Variants in GAB4 observed in about 807,000 individuals in gnomAD.
GAB4 encodes the protein GRB2 associated binding protein family member 4.
GAB4 carries 26 observed loss-of-function variants against 51.3 expected under a neutral mutation model. That is an observed-to-expected ratio of 0.51 (90% CI 0.37 to 0.70). The LOEUF (loss-of-function observed/expected upper bound fraction) is 0.70, where lower values mean the gene tolerates loss of function less well. Among genes scored for constraint, GAB4 ranks in the 30% least tolerant of loss-of-function variants. GAB4 has a pLI of 0.00. For missense variants in GAB4, 759 were observed against 734.6 expected (o/e 1.03, Z -0.38); for synonymous variants, 329 against 291.2 (o/e 1.13, Z -1.32).
At chr22:16,994,481 T>C (rs1309235590) in intron 1 of GAB4, among the ~76,000 whole-genome samples, 2 of 152,230 alleles carry the variant, frequency 1.3e-5, no homozygotes, top group African/African-American at 4.8e-5. Flanking sequence ...GTTATGTATA[T>C]ACATGTAGTG....
In GAB4 at chr22:16,986,816, C is replaced by T. The variant is rs373887373; in HGVS notation, c.686+1144G>A. ...GGCGGAACTGCTGAAAGTTCACAAA[C>T]GAAGGAATCGCATTGCTTCAGGAAA... is the stretch of plus-strand genomic sequence containing the variant. On this transcript the variant is annotated intron_variant, in intron 3 of 9. Coordinates refer to ENST00000400588, the MANE Select transcript of GAB4 (RefSeq NM_001037814.1). 3.9e-5 allele frequency among the ~76,000 whole-genome samples: 6 copies of T among 152,170 alleles called. No individual in the cohort carries two copies. In the South Asian group the frequency reaches 8.3e-4, roughly 21 times the overall value.
chr22:16,966,967 TAA>T (rs1388431569), intron 5 of GAB4: 1 of 153,664 alleles, frequency 6.5e-6, no homozygotes, highest in Non-Finnish European at 1.4e-5. Context: ...CATACAATTA[TAA>T]GAGTTCACTA....
At chr22:16,991,651 G>A (rs530920382) in intron 2 of GAB4, among the ~76,000 whole-genome samples, 2 of 152,324 alleles carry the variant, frequency 1.3e-5, no homozygotes, top group East Asian at 3.9e-4. Flanking sequence ...GTGGCTGAGA[G>A]GTGACAGGGC....
At chr22:16,964,196 C>G (rs963210586) in intron 8 of GAB4, among the ~76,000 whole-genome samples, 1 of 152,130 alleles carries the variant, frequency 6.6e-6, no homozygotes, top group African/African-American at 2.4e-5. Context: ...CGCAGGGTCC[C>G]GCAGCCTCCT....
chr22:16,999,454 GTAGTTTGTAT>G (rs1360552816), intron 1 of GAB4, among the ~76,000 whole-genome samples: 15 of 152,172 alleles, frequency 9.9e-5, no homozygotes, highest in Admixed American at 7.2e-4. Context: ...TTCTCTGGTG[GTAGTTTGTAT>G]TTCTGTGGGA....
Position 17,007,944 on chromosome 22 carries a change from G to C in GAB4, c.171C>G (p.Leu57=), listed in dbSNP as rs201917940. 2.1e-5 allele frequency: 34 copies of C among 1,596,740 alleles called. No individual in the cohort carries two copies. The highest frequency in any genetic ancestry group is 3.4e-5 in the Admixed American group (2 of 59,202). Residue 57 remains leucine (L), a synonymous_variant, in exon 1 of 10, where the codon CTC becomes CTG. Transcript: ENST00000400588. ...CCGCCCCCACTGCCCCACTCACAAA[G>C]AGCCTCAGCTTCTTCTCGGGGGGCG... is the stretch of plus-strand genomic sequence containing the variant. ...RKSPPEKKLR[L]FAWRKRWFIL...
In GAB4 at chr22:16,970,052, G is replaced by A; in HGVS notation, c.828C>T (p.Pro276=). Residue 276 remains proline, a synonymous_variant, in exon 4 of 10, where the codon CCC becomes CCT. Coordinates refer to ENST00000400588, the MANE Select transcript of GAB4 (RefSeq NM_001037814.1). ...HIHGFHSLSK[P]SQHNAEFRGS... is the part of the protein sequence containing the mutation. ...CTCTGAATTCTGCATTGTGCTGGCT[G>A]GGCTTGGAAAGGCTATGGAAGCCAT... 1 of 1,614,200 alleles carries A rather than the reference G, an allele frequency of 6.2e-7. No individual in the cohort carries two copies. Among genetic ancestry groups the A allele is most frequent in the Non-Finnish European group, 8.5e-7 (1 of 1,180,030 alleles).
chr22:16,976,237 G>A (rs572388569), intron 3 of GAB4, among the ~76,000 whole-genome samples: 15 of 152,270 alleles, frequency 9.9e-5, no homozygotes, highest in African/African-American at 3.6e-4. Flanking sequence ...AAAGGAGCAT[G>A]TTCTAACCTA....
At chr22:16,990,114 T>A (rs975421559) in intron 2 of GAB4, among the ~76,000 whole-genome samples, 1 of 152,144 alleles carries the variant, frequency 6.6e-6, no homozygotes, top group African/African-American at 2.4e-5. Flanking sequence ...ACCAACCATG[T>A]CCTGTCCTTA....
intron 5 of GAB4, chr22:16,967,202 T>C (rs2060683473): frequency 6.6e-6 from 1 of 152,392 alleles, no homozygotes; most frequent in African/African-American, 2.4e-5. Flanking sequence ...GCACAGGCCG[T>C]GCACCATGCA....
At chr22:16,972,663 G>A (rs1450474251) in intron 3 of GAB4, among the ~76,000 whole-genome samples, 1 of 152,142 alleles carries the variant, frequency 6.6e-6, no homozygotes, top group African/African-American at 2.4e-5. Context: ...AGCCTCTCAA[G>A]CCCAAAACAT....
chr22:16,966,437 AGGCC>A, intron 5 of GAB4, 73 bp from the exon 6 acceptor site: 2 of 1,469,892 alleles, frequency 1.4e-6, no homozygotes, highest in South Asian at 2.5e-5. Context: ...TTTCTAGACA[AGGCC>A]AAAAAGAGTC....
In GAB4 at chr22:16,963,757, G is replaced by C; in HGVS notation, c.1549C>G (p.His517Asp). 7 of 1,613,796 alleles carry C rather than the reference G, an allele frequency of 4.3e-6. No individual in the cohort carries two copies. The highest frequency in any genetic ancestry group is 5.9e-6 in the Non-Finnish European group (7 of 1,179,960). The change falls in exon 9 of 10, where the codon CAC (histidine) becomes GAC (aspartate). Residue 517 changes from histidine (H) to aspartate (D), a missense_variant. By Grantham distance (81) the His-to-Asp change is moderately conservative. Transcript: ENST00000400588. The part of the protein sequence containing the change: ...SAPPRSTGNI[H>D]YAALDFQPSK... ...GGCTGGAAGTCCAGGGCCGCGTAGT[G>C]GATGTTACCAGTGCTCCTCGGCGGG...
intron 2 of GAB4, among the ~76,000 whole-genome samples, chr22:16,989,314 A>G (rs2060894112): frequency 6.6e-6 from 1 of 152,224 alleles, no homozygotes. Context: ...GGGTTCTTCA[A>G]GTCATATCAG....
chr22:16,966,190 G>C lies in GAB4; in HGVS notation c.1198C>G (p.Leu400Val), dbSNP rs1342034089. Residue 400 changes from leucine (L) to valine (V), a missense_variant, in exon 6 of 10, where the codon CTC becomes GTC. Physicochemically the swap from Leu to Val is conservative, Grantham distance 32. Coordinates refer to ENST00000400588, the MANE Select transcript of GAB4 (RefSeq NM_001037814.1). Reference protein sequence around the residue: ...LVRFDLLGSPLTELSMHQDLS... With the variant: ...LVRFDLLGSPVTELSMHQDLS... ...TCTTGGTGCATAGAAAGCTCTGTGA[G>C]TGGGGAGCCAAGCAGGTCAAAGCGA... 1.9e-6 allele frequency: 3 copies of C among 1,614,074 alleles called. No homozygotes were observed. Among genetic ancestry groups the C allele is most frequent in the Admixed American group, 3.3e-5 (2 of 60,012 alleles).
intron 1 of GAB4, among the ~76,000 whole-genome samples, chr22:16,999,782 C>T (rs1226451838): frequency 1.3e-5 from 2 of 152,168 alleles, no homozygotes; most frequent in Non-Finnish European, 2.9e-5. Context: ...GCATTTAGTG[C>T]TATAAATTTC....
intron 2 of GAB4, among the ~76,000 whole-genome samples, chr22:16,990,044 C>T (rs2060901210): frequency 6.6e-6 from 1 of 152,178 alleles, no homozygotes; most frequent in African/African-American, 2.4e-5. Context: ...ATCAGCATGA[C>T]TGTCCACTGC....
chr22:16,979,242 C>T (rs771363830), intron 3 of GAB4, among the ~76,000 whole-genome samples: 1 of 152,198 alleles, frequency 6.6e-6, no homozygotes, highest in Non-Finnish European at 1.5e-5. Context: ...GTCAAGTTGT[C>T]TCTGTTTGCA....
chr22:16,998,437 C>T (rs2060968169), intron 1 of GAB4, among the ~76,000 whole-genome samples: 1 of 152,134 alleles, frequency 6.6e-6, no homozygotes, highest in Non-Finnish European at 1.5e-5. Context: ...CTTGATTTGG[C>T]TCTCTGTTTG....
Sources: gnomAD v4.1 joint callset for allele counts (sites outside exome capture counted in the v4.1 genomes callset) on GRCh38, gnomAD v4.1.1 for gene constraint, MANE v1.5 for transcripts, NCBI Gene and HGNC (gene_info 2026-07-23, HGNC 2026-07-21) for gene names.